The following ATP9A variants were observed in gnomAD, a reference collection of about 807,000 sequenced individuals.
ATP9A encodes the protein ATPase phospholipid transporting 9A.
Under a neutral mutation model 144.1 loss-of-function variants are expected in ATP9A, and 52 were observed. The observed-to-expected ratio is 0.36, with a 90% confidence interval of 0.29 to 0.45. ATP9A has a LOEUF of 0.45. Among genes scored for constraint, ATP9A ranks in the 20% least tolerant of loss-of-function variants. The pLI is 1.00. For synonymous variants in ATP9A, 582 were observed against 557.4 expected (o/e 1.04, Z -0.62); for missense variants, 947 against 1,392.7 (o/e 0.68, Z 5.09).
Position 51,657,090 on chromosome 20 carries a change from T to C in ATP9A, c.1354A>G (p.Met452Val), listed in dbSNP as rs777227738. Residue 452 changes from methionine (M) to valine (V), a missense_variant, in exon 14 of 28, where the codon ATG becomes GTG. By Grantham distance (21) the Met-to-Val change is conservative. This residue lies in a region of ATP9A where 770 missense variants were observed against 1,047.9 expected (regional missense o/e 0.73). Coordinates refer to ENST00000338821, the MANE Select transcript of ATP9A (RefSeq NM_006045.3). ...ACGGCTTCGTGCACGCGGCTGCTCATGGTCCGCCGGACCTTAGTGGTGAGC... is the reference window on the plus strand; with the variant it reads ...ACGGCTTCGTGCACGCGGCTGCTCACGGTCCGCCGGACCTTAGTGGTGAGC... ...PTLTTKVRRT[M>V]SSRVHEAVKA... 9 of 1,614,086 alleles carry C rather than the reference T, an allele frequency of 5.6e-6. 1 individual carries two copies. In the South Asian group the frequency reaches 9.9e-5, roughly 18 times the overall value.
intron 9 of ATP9A, among the ~76,000 whole-genome samples, chr20:51,685,136 G>A (rs1432095471): frequency 6.6e-6 from 1 of 152,052 alleles, no homozygotes; most frequent in African/African-American, 2.4e-5. Flanking sequence ...TCTATCACAT[G>A]GGCAAAAATT....
In ATP9A at chr20:51,618,825, G is replaced by A. The variant is rs775505461; in HGVS notation, c.2206-19C>T. 5.1e-6 allele frequency: 8 copies of A among 1,580,216 alleles called. No homozygotes were observed. The highest frequency in any genetic ancestry group is 6.9e-6 in the Non-Finnish European group (8 of 1,160,658). ...GGCAAACCTGCAGGGTGGAGGGAGA[G>A]GTGGTGCGTTGGTGGAGGGAGAGGT... On this transcript the variant is annotated intron_variant, in intron 20 of 27. Transcript: ENST00000338821.
chr20:51,630,004 G>A (rs2077264108), intron 15 of ATP9A, among the ~76,000 whole-genome samples: 1 of 152,194 alleles, frequency 6.6e-6, no homozygotes, highest in African/African-American at 2.4e-5. Flanking sequence ...CTCTCAACAG[G>A]GCAATGTGGC....
At chr20:51,736,090 T>C (rs2077761519) in intron 1 of ATP9A, among the ~76,000 whole-genome samples, 1 of 152,224 alleles carries the variant, frequency 6.6e-6, no homozygotes, top group African/African-American at 2.4e-5. Context: ...AAGAAGAAGC[T>C]GCCATGCACC....
At chr20:51,639,160 G>A (rs1455956092) in intron 15 of ATP9A, among the ~76,000 whole-genome samples, 183 bp downstream of exon 15, 1 of 152,180 alleles carries the variant, frequency 6.6e-6, no homozygotes, top group African/African-American at 2.4e-5. Flanking sequence ...AAGCGGATCA[G>A]AGTTACGGGG....
At chr20:51,643,649 C>T (rs1213412307) in intron 14 of ATP9A, among the ~76,000 whole-genome samples, 1 of 152,170 alleles carries the variant, frequency 6.6e-6, no homozygotes, top group African/African-American at 2.4e-5. Context: ...CAGGACTTCC[C>T]AGCCTCCAGA....
intron 27 of ATP9A, among the ~76,000 whole-genome samples, chr20:51,602,957 G>T (rs1255602390): frequency 6.6e-6 from 1 of 152,152 alleles, no homozygotes; most frequent in Admixed American, 6.5e-5. Flanking sequence ...CCAGGCGGTG[G>T]GGTCCACACC....
At chr20:51,766,313 C>T (rs2077903502) in intron 1 of ATP9A, among the ~76,000 whole-genome samples, 1 of 152,140 alleles carries the variant, frequency 6.6e-6, no homozygotes, top group African/African-American at 2.4e-5. Context: ...CAATGAACAG[C>T]CAGGGTCAGG....
chr20:51,669,297 C>A (rs8116913), intron 13 of ATP9A, among the ~76,000 whole-genome samples: 3,946 of 152,154 alleles, frequency 0.026, 158 homozygotes, highest in African/African-American at 0.089. Context: ...AAGATGGGGA[C>A]CCACCGGTCT....
rs1276688229 is a variant in ATP9A, at chr20:51,759,333, T to G, written c.68+8969A>C. 1.1e-4 allele frequency among the ~76,000 whole-genome samples: 16 copies of G among 152,206 alleles called. No individual in the cohort carries two copies. In the East Asian group the frequency reaches 3.1e-3, roughly 29 times the overall value. On this transcript the variant is annotated intron_variant, in intron 1 of 27. Coordinates refer to ENST00000338821, the MANE Select transcript of ATP9A (RefSeq NM_006045.3). ...TCCCTCAAAACATACCCCTATATGC[T>G]TGGTATCTAATACTCCCTCCACCAC...
At chr20:51,630,399 A>G (rs1172024407) in intron 15 of ATP9A, among the ~76,000 whole-genome samples, 1 of 152,170 alleles carries the variant, frequency 6.6e-6, no homozygotes, top group Non-Finnish European at 1.5e-5. Context: ...GGAACCGTGG[A>G]GACAAAAGTG....
At chr20:51,716,531 T>C (rs2077662638) in intron 3 of ATP9A, among the ~76,000 whole-genome samples, 2 of 149,656 alleles carry the variant, frequency 1.3e-5, no homozygotes, top group Admixed American at 1.3e-4. Flanking sequence ...GCTCGTGCTA[T>C]GGTCCCAGTT....
At chr20:51,667,107 C>T (rs115235035) in intron 13 of ATP9A, among the ~76,000 whole-genome samples, 1 of 152,202 alleles carries the variant, frequency 6.6e-6, no homozygotes, top group Admixed American at 6.5e-5. Flanking sequence ...GATGGGCAAA[C>T]TGATTTATGA....
At chr20:51,737,811 G>A (rs1319448172) in intron 1 of ATP9A, among the ~76,000 whole-genome samples, 22 of 152,058 alleles carry the variant, frequency 1.4e-4, no homozygotes, top group South Asian at 4.2e-4. Flanking sequence ...CTCATACTAC[G>A]GGATACAAAA....
chr20:51,622,382 T>G (rs540391538), intron 18 of ATP9A, among the ~76,000 whole-genome samples: 4 of 152,170 alleles, frequency 2.6e-5, no homozygotes, highest in Non-Finnish European at 5.9e-5. Context: ...CAGCAAAAAC[T>G]GGCAGATGCT....
chr20:51,686,110 G>GC (rs1465543045), intron 9 of ATP9A, among the ~76,000 whole-genome samples: 1 of 152,046 alleles, frequency 6.6e-6, no homozygotes, highest in East Asian at 1.9e-4. Flanking sequence ...GCAAACTATC[G>GC]CAAGGACGGA....
At chr20:51,719,534 A>T (rs1471469112) in intron 3 of ATP9A, among the ~76,000 whole-genome samples, 1 of 151,816 alleles carries the variant, frequency 6.6e-6, no homozygotes, top group Non-Finnish European at 1.5e-5. Flanking sequence ...AGAGATCAAG[A>T]CCATCCTGGC....
rs1379881682 is a variant in ATP9A at position 51,697,415 on chromosome 20, T to C, written c.495+9A>G. 1.9e-6 allele frequency: 3 copies of C among 1,612,576 alleles called. No homozygotes were observed. The East Asian group carries it at 6.7e-5, about 36-fold the overall frequency. On this transcript the variant is annotated intron_variant, in intron 5 of 27. Coordinates refer to ENST00000338821, the MANE Select transcript of ATP9A (RefSeq NM_006045.3). ...GGTATCCACACACAAGCTTCCAGATTCTGCTCACCTTTTCAACGATGATAA... is the reference window on the plus strand; with the variant it reads ...GGTATCCACACACAAGCTTCCAGATCCTGCTCACCTTTTCAACGATGATAA...
chr20:51,723,104 C>T (rs577216315), intron 3 of ATP9A, among the ~76,000 whole-genome samples: 1 of 152,226 alleles, frequency 6.6e-6, no homozygotes, highest in African/African-American at 2.4e-5. Context: ...TTTGCAGTGA[C>T]CTGGATGAGA....
Sources: gnomAD v4.1 joint callset for allele counts (sites outside exome capture counted in the v4.1 genomes callset) on GRCh38, gnomAD v4.1.1 for gene constraint, gnomAD v4.1.1 regional missense constraint, MANE v1.5 for transcripts, NCBI Gene and HGNC (gene_info 2026-07-23, HGNC 2026-07-21) for gene names.